RRP9: variants seen among roughly 807,000 people sequenced by gnomAD.
RRP9 encodes ribosomal RNA processing 9, U3 small nucleolar RNA binding protein, also known as U3 small nucleolar RNA-interacting protein 2.
Under a neutral mutation model 65.5 loss-of-function variants are expected in RRP9, and 35 were observed. The observed-to-expected ratio is 0.53, with a 90% CI of 0.41 to 0.71. RRP9 has a LOEUF of 0.71. Ranked by LOEUF, RRP9 falls within the 30% of genes least tolerant of loss-of-function variation. The pLI is 0.00. For synonymous variants in RRP9, 254 were observed against 245.0 expected (o/e 1.04, Z -0.34); for missense variants, 533 against 633.6 (o/e 0.84, Z 1.70).
In RRP9 at chr3:51,941,882, G is replaced by C. The variant is rs921595152; in HGVS notation, c.-15C>G. On this transcript the variant is annotated 5_prime_UTR_variant, in exon 1 of 15. Transcript: ENST00000232888. ...GTTGCCGACATGCTGCCCACCAGGC[G>C]TGTAGCAGCGGCCGCAGAACTCACG... is the stretch of plus-strand genomic sequence containing the variant. 11 of 1,565,232 alleles carry C rather than the reference G, an allele frequency of 7.0e-6. No homozygotes were observed. In the East Asian group the frequency reaches 7.0e-5, roughly 10 times the overall value.
chr3:51,936,597 T>C (rs1251714197), intron 6 of RRP9, 42 bp from the exon 7 acceptor site: 4 of 1,593,966 alleles, frequency 2.5e-6, no homozygotes, highest in Admixed American at 1.7e-5. Flanking sequence ...GATGGGGGGA[T>C]AGGGCTGGCT....
intron 8 of RRP9, 65 bp from the exon 9 acceptor site, chr3:51,935,757 C>A: frequency 7.3e-7 from 1 of 1,375,846 alleles, no homozygotes; most frequent in Non-Finnish European, 1.0e-6. Context: ...CAGGTCAGGC[C>A]CAGGGAGGAC....
chr3:51,935,318 C>G, intron 10 of RRP9, 24 bp downstream of exon 10: 1 of 1,614,182 alleles, frequency 6.2e-7, no homozygotes, highest in East Asian at 2.2e-5. Flanking sequence ...ATGTAGCCCC[C>G]ACTGGCATGG....
chr3:51,939,909 T>A (rs1699501243), intron 2 of RRP9, among the ~76,000 whole-genome samples: 1 of 152,218 alleles, frequency 6.6e-6, no homozygotes, highest in Non-Finnish European at 1.5e-5. Context: ...TTAAAAGCAC[T>A]TAGCCCACAC....
rs1404076668 is a variant in RRP9, at chr3:51,941,807, C to T, written c.61G>A (p.Ala21Thr). ...GKPASGAGAG[A>T]GAGKRRRKAD... Reference sequence around the variant, plus strand: ...TTTCGCCGCCGCTTGCCGGCCCCCGCGCCAGCCCCGGCCCCAGAGGCCGGC... The same window carrying T: ...TTTCGCCGCCGCTTGCCGGCCCCCGTGCCAGCCCCGGCCCCAGAGGCCGGC... The change falls in exon 1 of 15, where the codon GCG becomes ACG. Residue 21 changes from alanine (A) to threonine (T), a missense_variant. By Grantham distance (58) the Ala-to-Thr change is moderately conservative (BLOSUM62 0). This residue lies in a region of RRP9 where 77 missense variants were observed against 60.5 expected (regional missense o/e 1.27). Coordinates refer to ENST00000232888, the MANE Select transcript of RRP9 (RefSeq NM_004704.5). 1.3e-6 allele frequency: 2 copies of T among 1,574,852 alleles called. No homozygotes were observed. Among genetic ancestry groups the T allele is most frequent in the Non-Finnish European group, 1.7e-6 (2 of 1,168,710 alleles).
In RRP9 at chr3:51,935,245, C is replaced by T. The variant is rs1359003782; in HGVS notation, c.986G>A (p.Cys329Tyr). ...VFYGHQGSID[C>Y]IHLINEEHMV... is the part of the protein sequence containing the mutation. The stretch of plus-strand genomic sequence containing the variant: ...GTGCTCCTCATTGATTAGGTGGATG[C>T]AGTCGATGGAGCCCCTGGAGAAAGG... Residue 329 changes from cysteine (C) to tyrosine (Y), a missense_variant, in exon 11 of 15, where the codon TGC becomes TAC. By Grantham distance (194) the Cys-to-Tyr change is radical. Coordinates refer to ENST00000232888, the MANE Select transcript of RRP9 (RefSeq NM_004704.5). 6.2e-7 allele frequency: 1 copy of T among 1,614,084 alleles called. No homozygotes were observed. The highest frequency in any genetic ancestry group is 8.5e-7 in the Non-Finnish European group (1 of 1,180,032).
rs1699468129 is a variant in RRP9 at position 51,937,163 on chromosome 3, G to A, written c.517+29C>T. ...CAGCCCTCCCGGATCCGCCATGGGG[G>A]CTCCAGCCCCACCCAGGCACTCACT... On this transcript the variant is annotated intron_variant, in intron 6 of 14. Transcript: ENST00000232888. The surrounding 1 kb of genome is among the most constrained non-coding windows in gnomAD (Gnocchi z 5.0). The A allele has an allele frequency of 5.0e-6, 8 of 1,610,678 alleles. No individual in the cohort carries two copies. Among genetic ancestry groups the A allele is most frequent in the Non-Finnish European group, 6.8e-6 (8 of 1,178,558 alleles).
chr3:51,934,322 TG>T lies in RRP9; in HGVS notation c.1260+149del. 1 of 734,370 alleles carries T rather than the reference TG, an allele frequency of 1.4e-6. No individual in the cohort carries two copies. Among genetic ancestry groups the T allele is most frequent in the Non-Finnish European group, 2.2e-6 (1 of 446,206 alleles). 45.5% of individuals were successfully genotyped at this position (734,370 alleles called of 1,614,324 possible). Reference sequence around the variant, plus strand: ...AGGAAGGGGAGCAGAGGAGGGAAAGTGGGGAGGGTTCCTGCCAGGCCCTGTG... The same window carrying T: ...AGGAAGGGGAGCAGAGGAGGGAAAGTGGGAGGGTTCCTGCCAGGCCCTGTG... On this transcript the variant is annotated intron_variant, in intron 13 of 14. Coordinates refer to ENST00000232888, the MANE Select transcript of RRP9 (RefSeq NM_004704.5). This position sits in a 1 kb window ranked among gnomAD's most constrained non-coding sequence, Gnocchi z 4.1.
Position 51,934,578 on chromosome 3 carries a change from C to A in RRP9, c.1181-27G>T, listed in dbSNP as rs767022796. 6 of 1,613,728 alleles carry A rather than the reference C, an allele frequency of 3.7e-6. No individual in the cohort carries two copies. Among genetic ancestry groups the A allele is most frequent in the Non-Finnish European group, 5.1e-6 (6 of 1,179,738 alleles). On this transcript the variant is annotated intron_variant, in intron 12 of 14. Transcript: ENST00000232888. This position sits in a 1 kb window ranked among gnomAD's most constrained non-coding sequence, Gnocchi z 4.1. ...TGGGGAGACTGGAACAGTGAGCAAC[C>A]CCTGCACCGGCCCACCCGGCGACCC...
In RRP9 at chr3:51,935,636, G is replaced by A. The variant is rs764917710; in HGVS notation, c.792C>T (p.Ser264=). 25 of 1,614,008 alleles carry A rather than the reference G, an allele frequency of 1.5e-5. No homozygotes were observed. The highest frequency in any genetic ancestry group is 6.7e-5 in the East Asian group (3 of 44,882). The change falls in exon 9 of 15, where the codon TCC becomes TCT. Residue 264 remains serine (S), a synonymous_variant. Coordinates refer to ENST00000232888, the MANE Select transcript of RRP9 (RefSeq NM_004704.5). ...HQLYSTSHDR[S]VKVWNVAENS... Reference sequence around the variant, plus strand: ...TCTCTGCCACATTCCACACCTTCACGGAGCGATCGTGGGATGTGCTGTAGA... The same window carrying A: ...TCTCTGCCACATTCCACACCTTCACAGAGCGATCGTGGGATGTGCTGTAGA...
In RRP9 at chr3:51,941,507, T is replaced by C; in HGVS notation, c.88-16A>G. 4 of 1,613,064 alleles carry C rather than the reference T, an allele frequency of 2.5e-6. No individual in the cohort carries two copies. Among genetic ancestry groups the C allele is most frequent in the Non-Finnish European group, 3.4e-6 (4 of 1,179,260 alleles). ...CAGAGTCGGCCTGGGAATTATACGG[T>C]CTTTTCTTTGGTCAGGGGTCCAGAC... is the stretch of plus-strand genomic sequence containing the variant. On this transcript the variant is annotated splice_polypyrimidine_tract_variant and intron_variant, in intron 1 of 14. Coordinates refer to ENST00000232888, the MANE Select transcript of RRP9 (RefSeq NM_004704.5).
In RRP9 at chr3:51,937,560, C is replaced by A; in HGVS notation, c.375G>T (p.Lys125Asn). Residue 125 changes from lysine to asparagine, a missense_variant, in exon 5 of 15, where the codon AAG becomes AAT. Around this residue, in one of 3 missense-constraint regions of RRP9, gnomAD observed 449 missense variants for 550.6 expected, o/e 0.82. Transcript: ENST00000232888. This position sits in a 1 kb window ranked among gnomAD's most constrained non-coding sequence, Gnocchi z 5.0. ...GCCCACTCACCTCTTTTGCCACCAA[C>A]TTCTGCAGCCTGCCCCTCTGCTCAA... ...DVLEQRGRLQ[K>N]LVAKEIQAPA... 8 of 1,614,240 alleles carry A rather than the reference C, an allele frequency of 5.0e-6. No individual in the cohort carries two copies. The highest frequency in any genetic ancestry group is 6.8e-6 in the Non-Finnish European group (8 of 1,180,044).
chr3:51,935,513 G>A (rs764685168), intron 9 of RRP9, 37 bp from the exon 10 acceptor site: 2 of 1,613,930 alleles, frequency 1.2e-6, no homozygotes, highest in East Asian at 2.2e-5. Context: ...TGGGGATAGG[G>A]GTACTGCATG....
Position 51,936,665 on chromosome 3 carries a change from C to T in RRP9, c.518-110G>A, listed in dbSNP as rs901948275. 5.0e-5 allele frequency: 61 copies of T among 1,220,596 alleles called. No individual in the cohort carries two copies. In the East Asian group the frequency reaches 6.5e-4, roughly 13 times the overall value. 75.6% of individuals were successfully genotyped at this position (1,220,596 alleles called of 1,614,324 possible). ...AGAGCCATGGCAAATGTCCCGGACT[C>T]GGCCAGAAGACCTGGCTCAGCCACC... On this transcript the variant is annotated intron_variant, in intron 6 of 14. Transcript: ENST00000232888.
chr3:51,934,968 A>AT lies in RRP9; in HGVS notation c.1035-193dup, dbSNP rs576368871. Among the ~76,000 whole-genome samples, 184 of 151,966 alleles carry AT rather than the reference A, an allele frequency of 1.2e-3. No homozygotes were observed. Among genetic ancestry groups the AT allele is most frequent in the Middle Eastern group, 3.4e-3 (1 of 294 alleles). Reference sequence around the variant, plus strand: ...TACACCTACTAAGCACCCACAACAAATTTTTTTTAATTCTAAAAAAAAAGA... The same window carrying AT: ...TACACCTACTAAGCACCCACAACAAATTTTTTTTTAATTCTAAAAAAAAAGA... On this transcript the variant is annotated intron_variant, in intron 11 of 14. Transcript: ENST00000232888. This position sits in a 1 kb window ranked among gnomAD's most constrained non-coding sequence, Gnocchi z 4.1.
chr3:51,934,174 C>T lies in RRP9; in HGVS notation c.1260+298G>A, dbSNP rs1209377522. Among the ~76,000 whole-genome samples, 1 of 152,160 alleles carries T rather than the reference C, an allele frequency of 6.6e-6. No individual in the cohort carries two copies. On this transcript the variant is annotated intron_variant, in intron 13 of 14. Coordinates refer to ENST00000232888, the MANE Select transcript of RRP9 (RefSeq NM_004704.5). The surrounding 1 kb of genome is among the most constrained non-coding windows in gnomAD (Gnocchi z 4.1). The stretch of plus-strand genomic sequence containing the variant: ...CCTAGTGTGGACAGTGAGGTCCACA[C>T]CCTCTAGCCTGGCACCCAATCTGGC...
chr3:51,933,541 G>A lies in RRP9; in HGVS notation c.1393C>T (p.Arg465Cys), dbSNP rs760648950. The A allele has an allele frequency of 6.8e-6, 11 of 1,614,064 alleles. No homozygotes were observed. The highest frequency in any genetic ancestry group is 1.6e-4 in the Middle Eastern group (1 of 6,062). ...ARNSVCIIPL[R>C]RVPVPPAAGS The stretch of plus-strand genomic sequence containing the variant: ...GCAGCTGGGGGTACAGGGACCCTGC[G>A]GAGTGGGATGATGCAGACAGAATTC... The change falls in exon 15 of 15, where the codon CGC becomes TGC. Residue 465 changes from arginine to cysteine, a missense_variant. Coordinates refer to ENST00000232888, the MANE Select transcript of RRP9 (RefSeq NM_004704.5).
chr3:51,935,670 G>A lies in RRP9; in HGVS notation c.758C>T (p.Thr253Ile), dbSNP rs1577650159. 4 of 1,614,162 alleles carry A rather than the reference G, an allele frequency of 2.5e-6. No individual in the cohort carries two copies. The highest frequency in any genetic ancestry group is 2.5e-6 in the Non-Finnish European group (3 of 1,180,018). The change falls in exon 9 of 15, where the codon ACC becomes ATC. Residue 253 changes from threonine to isoleucine, a missense_variant. Around this residue, in one of 3 missense-constraint regions of RRP9, gnomAD observed 449 missense variants for 550.6 expected, o/e 0.82. Transcript: ENST00000232888. ...AVSGLAFRRGTHQLYSTSHDR... is the reference protein window; with the variant it reads ...AVSGLAFRRGIHQLYSTSHDR... The stretch of plus-strand genomic sequence containing the variant: ...GTGGGATGTGCTGTAGAGCTGGTGG[G>A]TGCCTCTGCGGAATGCCAGACCCTA...
Position 51,934,585 on chromosome 3 carries a change from C to G in RRP9, c.1181-34G>C. 6.2e-7 allele frequency: 1 copy of G among 1,613,614 alleles called. No individual in the cohort carries two copies. ...ACTGGAACAGTGAGCAACCCCTGCA[C>G]CGGCCCACCCGGCGACCCCTCCTCC... On this transcript the variant is annotated intron_variant, in intron 12 of 14. Transcript: ENST00000232888. This position sits in a 1 kb window ranked among gnomAD's most constrained non-coding sequence, Gnocchi z 4.1.
Sources: gnomAD v4.1 joint callset for allele counts (sites outside exome capture counted in the v4.1 genomes callset) on GRCh38, gnomAD v4.1.1 for gene constraint, gnomAD v4.1.1 regional missense constraint, Gnocchi (gnomAD v3.1) non-coding constraint, MANE v1.5 for transcripts, NCBI Gene and HGNC (gene_info 2026-07-23, HGNC 2026-07-21) for gene names.